The following PPP3R1 variants were observed in gnomAD, a reference collection of about 807,000 sequenced individuals.
The protein encoded by PPP3R1 is calcineurin subunit B type 1.
In PPP3R1, 5 loss-of-function variants were observed where a neutral mutation model predicts 22.6. That is an observed-to-expected ratio of 0.22 (90% CI 0.12 to 0.46). PPP3R1 has a LOEUF of 0.46. Ranked by LOEUF, PPP3R1 falls within the 20% of genes least tolerant of loss-of-function variation. The probability of loss-of-function intolerance (pLI) is 0.99; values close to 1 mark genes in which losing one functional copy is unlikely to be tolerated. For missense variants in PPP3R1, 61 were observed against 203.2 expected, an observed-to-expected ratio of 0.30 and a Z score of 4.25; for synonymous variants, 56 against 65.2, an observed-to-expected ratio of 0.86 and a Z score of 0.68.
chr2:68,182,746 T>C (rs1270386310), intron 5 of PPP3R1, among the ~76,000 whole-genome samples: 2 of 143,096 alleles, frequency 1.4e-5, no homozygotes. Flanking sequence ...AAAAAAAAAA[T>C]CAGCATTTTT....
chr2:68,197,387 A>G (rs1172500762), intron 2 of PPP3R1, among the ~76,000 whole-genome samples: 1 of 152,234 alleles, frequency 6.6e-6, no homozygotes, highest in Non-Finnish European at 1.5e-5. Flanking sequence ...GCAGAGCAGT[A>G]TAGTCCATTA....
intron 2 of PPP3R1, among the ~76,000 whole-genome samples, chr2:68,205,880 C>A (rs1294496263): frequency 1.3e-5 from 2 of 151,944 alleles, no homozygotes; most frequent in Non-Finnish European, 2.9e-5. Context: ...AGTGCAATGG[C>A]GCGATCTCGG....
intron 2 of PPP3R1, among the ~76,000 whole-genome samples, chr2:68,209,358 CAAAAAAAAAAAAAAA>C (rs777851469): frequency 1.7e-3 from 69 of 41,696 alleles, no homozygotes; most frequent in Middle Eastern, 0.062. Flanking sequence ...GACTCTGTCT[CAAAAAAAAAAAAAAA>C]AAAAAAAAAA....
intron 2 of PPP3R1, among the ~76,000 whole-genome samples, chr2:68,199,682 G>A (rs1333351495): frequency 2.0e-5 from 3 of 152,086 alleles, no homozygotes. Flanking sequence ...ATTACATTTT[G>A]CCAAACACTT....
intron 2 of PPP3R1, among the ~76,000 whole-genome samples, chr2:68,213,329 T>TAG (rs1669519902): frequency 6.6e-6 from 1 of 152,280 alleles, no homozygotes; most frequent in South Asian, 2.1e-4. Flanking sequence ...CTTGAACAAT[T>TAG]AGAGAGCAGT....
chr2:68,203,700 G>C (rs1396736995), intron 2 of PPP3R1, among the ~76,000 whole-genome samples: 2 of 152,012 alleles, frequency 1.3e-5, no homozygotes, highest in Non-Finnish European at 2.9e-5. Flanking sequence ...ACCTCCCTGA[G>C]ACGAATGTGA....
intron 2 of PPP3R1, among the ~76,000 whole-genome samples, chr2:68,196,157 G>C (rs1362355864): frequency 6.6e-6 from 1 of 152,084 alleles, no homozygotes; most frequent in Non-Finnish European, 1.5e-5. Flanking sequence ...CTCCTGTGAA[G>C]ATCACAAAAC....
intron 2 of PPP3R1, among the ~76,000 whole-genome samples, chr2:68,213,300 G>C (rs1172534117): frequency 6.6e-6 from 1 of 152,168 alleles, no homozygotes; most frequent in African/African-American, 2.4e-5. Context: ...TAAAATTAAA[G>C]ATGTGTAATT....
chr2:68,224,442 C>T (rs1159611902), intron 1 of PPP3R1, among the ~76,000 whole-genome samples: 1 of 152,084 alleles, frequency 6.6e-6, no homozygotes, highest in Non-Finnish European at 1.5e-5. Flanking sequence ...GAGTGGATCA[C>T]TTGAGGTCAG....
At position 68,252,156 on chromosome 2, in the gene PPP3R1, C is replaced by G; in HGVS notation, c.-29G>C. 7.1e-7 allele frequency: 1 copy of G among 1,413,018 alleles called. No individual in the cohort carries two copies. The highest frequency in any genetic ancestry group is 9.4e-7 in the Non-Finnish European group (1 of 1,062,352). The allele number at this position is 1,413,018 out of a possible 1,614,324, so 87.5% of individuals were successfully genotyped here. ...GCTCGGCGGGTCGGCGGCTCGCTGG[C>G]TCGCTGGCTCGGAGAAGTGTTGCGC... On this transcript the variant is annotated 5_prime_UTR_variant, in exon 1 of 6. Transcript: ENST00000234310.
chr2:68,213,635 G>T (rs1209982239), intron 2 of PPP3R1, among the ~76,000 whole-genome samples: 2 of 152,186 alleles, frequency 1.3e-5, no homozygotes, highest in Non-Finnish European at 2.9e-5. Context: ...CTGGGAAAAT[G>T]GCAGAGACAG....
At position 68,250,645 on chromosome 2, in the gene PPP3R1, T is replaced by A. The variant is rs564017947; in HGVS notation, c.3+1480A>T. Reference sequence around the variant, plus strand: ...TGGCTATGATCTTCCTAAATTGTTTTGTGACTTTCAGGTGCCAAAGTTGCC... The same window carrying A: ...TGGCTATGATCTTCCTAAATTGTTTAGTGACTTTCAGGTGCCAAAGTTGCC... On this transcript the variant is annotated intron_variant, in intron 1 of 5. Transcript: ENST00000234310. Among the ~76,000 whole-genome samples the A allele has an allele frequency of 2.0e-5, 3 of 152,376 alleles. No homozygotes were observed. In the East Asian group the frequency reaches 5.8e-4, roughly 29 times the overall value.
At position 68,252,481 on chromosome 2, in the gene PPP3R1, G is replaced by A. The variant is rs956822765; in HGVS notation, c.-354C>T. Reference sequence around the variant, plus strand: ...GCTGCAGCCTCGCGCTCGCGCCGGAGCCGTGACGGACTCACTGCAGCGGCT... The same window carrying A: ...GCTGCAGCCTCGCGCTCGCGCCGGAACCGTGACGGACTCACTGCAGCGGCT... On this transcript the variant is annotated 5_prime_UTR_variant, in exon 1 of 6. Transcript: ENST00000234310. 1.5e-5 allele frequency: 15 copies of A among 987,776 alleles called. No individual in the cohort carries two copies. Among genetic ancestry groups the A allele is most frequent in the Non-Finnish European group, 1.7e-5 (14 of 832,198 alleles). 61.2% of individuals were successfully genotyped at this position (987,776 alleles called of 1,614,324 possible). A position where few individuals can be genotyped will look rare whatever the true frequency, so the allele number is the denominator to read the frequency against.
At chr2:68,250,465 T>C (rs1228084327) in intron 1 of PPP3R1, among the ~76,000 whole-genome samples, 1 of 152,202 alleles carries the variant, frequency 6.6e-6, no homozygotes, top group Non-Finnish European at 1.5e-5. Context: ...AATGTGCTGT[T>C]TATAAAGCTA....
chr2:68,230,915 ACTTGT>A (rs1461943715), intron 1 of PPP3R1, among the ~76,000 whole-genome samples: 2 of 152,126 alleles, frequency 1.3e-5, no homozygotes, highest in African/African-American at 4.8e-5. Flanking sequence ...TGATTTCAAG[ACTTGT>A]CTTGTTTTTA....
Position 68,179,017 on chromosome 2 carries a change from GAAAA to G in PPP3R1, c.*1942_*1945del, listed in dbSNP as rs1311277273. ...AACTAAAAAAAAAAAAAAAAAAAAA[GAAAA>G]AGAAAAAACCCTCATTCCCCGGTAA... On this transcript the variant is annotated 3_prime_UTR_variant, in exon 6 of 6. Transcript: ENST00000234310. 2 of 88,472 alleles carry G rather than the reference GAAAA, an allele frequency of 2.3e-5. No homozygotes were observed. The highest frequency in any genetic ancestry group is 4.4e-5 in the African/African-American group (1 of 22,620). 5.5% of individuals were successfully genotyped at this position (88,472 alleles called of 1,614,324 possible).
intron 2 of PPP3R1, among the ~76,000 whole-genome samples, chr2:68,198,314 T>C (rs1460450384): frequency 1.4e-5 from 2 of 145,618 alleles, no homozygotes; most frequent in African/African-American, 5.0e-5. Flanking sequence ...TGTATACATA[T>C]ATGTATATAC....
At chr2:68,188,478 A>G (rs138874416) in intron 3 of PPP3R1, 36 bp downstream of exon 3, 18 of 1,496,086 alleles carry the variant, frequency 1.2e-5, no homozygotes, top group Middle Eastern at 1.8e-4. Context: ...AATAGGTTAG[A>G]TAACTTGTGG....
intron 1 of PPP3R1, among the ~76,000 whole-genome samples, chr2:68,236,867 T>A (rs913056755): frequency 6.6e-6 from 1 of 152,106 alleles, no homozygotes; most frequent in Non-Finnish European, 1.5e-5. Context: ...CCTATGAGAC[T>A]TTTAAGGAAG....
Sources: gnomAD v4.1 joint callset for allele counts (sites outside exome capture counted in the v4.1 genomes callset) on GRCh38, gnomAD v4.1.1 for gene constraint, MANE v1.5 for transcripts, NCBI Gene and HGNC (gene_info 2026-07-23, HGNC 2026-07-21) for gene names.